DIAPH3: variants seen among roughly 807,000 people sequenced by gnomAD.
The protein encoded by DIAPH3 is diaphanous related formin 3.
Under a neutral mutation model 144.3 loss-of-function variants are expected in DIAPH3, and 117 were observed. That is an observed-to-expected ratio of 0.81 (90% confidence interval 0.70 to 0.95). The LOEUF is 0.95. Ranked by LOEUF, DIAPH3 falls within the 40% of genes least tolerant of loss-of-function variation. The pLI is 0.00. For synonymous variants in DIAPH3, 519 were observed against 488.9 expected, an observed-to-expected ratio of 1.06 and a Z score of -0.81; for missense variants, 1,421 against 1,412.7, an observed-to-expected ratio of 1.01 and a Z score of -0.09.
intron 20 of DIAPH3, among the ~76,000 whole-genome samples, chr13:59,880,556 A>G (rs1409065622): frequency 6.6e-6 from 1 of 152,122 alleles, no homozygotes; most frequent in African/African-American, 2.4e-5. Context: ...GGGATACAGA[A>G]AGCTATCAGC....
At chr13:59,802,545 G>T in intron 25 of DIAPH3, among the ~76,000 whole-genome samples, 1 of 135,518 alleles carries the variant, frequency 7.4e-6, no homozygotes, top group Non-Finnish European at 1.5e-5. Context: ...CATACTTTTG[G>T]CTATAGGAAG....
At chr13:59,766,940 T>C (rs1329901457) in intron 27 of DIAPH3, among the ~76,000 whole-genome samples, 1 of 152,208 alleles carries the variant, frequency 6.6e-6, no homozygotes, top group Non-Finnish European at 1.5e-5. Context: ...TGCTTATCCA[T>C]CCTTTTTGTA....
At chr13:59,741,361 A>G (rs917519940) in intron 27 of DIAPH3, among the ~76,000 whole-genome samples, 2 of 152,202 alleles carry the variant, frequency 1.3e-5, no homozygotes, top group African/African-American at 4.8e-5. Flanking sequence ...ATTGTACTAC[A>G]TAGGTGAGTT....
intron 20 of DIAPH3, among the ~76,000 whole-genome samples, chr13:59,899,035 G>C (rs2046289724): frequency 6.6e-6 from 1 of 152,166 alleles, no homozygotes; most frequent in South Asian, 2.1e-4. Context: ...CATGCTGGAT[G>C]CTTCCTGCCC....
intron 2 of DIAPH3, among the ~76,000 whole-genome samples, chr13:60,122,206 T>C (rs1427764831): frequency 6.6e-6 from 1 of 152,210 alleles, no homozygotes; most frequent in African/African-American, 2.4e-5. Context: ...CTAGAGATAA[T>C]GAACAACCTA....
Position 59,768,286 on chromosome 13 carries a change from C to G in DIAPH3, c.3319+5903G>C, listed in dbSNP as rs571371959. On this transcript the variant is annotated intron_variant, in intron 27 of 27. Transcript: ENST00000400324. Reference sequence around the variant, plus strand: ...CATCAGGAAAAGAACAAAAAATACTCTCAAAAAATAGGCCAATGACATTTA... The same window carrying G: ...CATCAGGAAAAGAACAAAAAATACTGTCAAAAAATAGGCCAATGACATTTA... Among the ~76,000 whole-genome samples the G allele has an allele frequency of 7.2e-5, 11 of 152,116 alleles. No homozygotes were observed. The South Asian group carries it at 2.3e-3, about 32-fold the overall frequency.
chr13:60,160,619 A>T (rs1408817646), intron 1 of DIAPH3, among the ~76,000 whole-genome samples: 2 of 152,230 alleles, frequency 1.3e-5, no homozygotes, highest in Admixed American at 1.3e-4. Flanking sequence ...GGCCTAGGGC[A>T]GGTTCCAAGT....
intron 3 of DIAPH3, among the ~76,000 whole-genome samples, chr13:60,096,459 G>A: frequency 6.6e-6 from 1 of 152,126 alleles, no homozygotes; most frequent in Non-Finnish European, 1.5e-5. Flanking sequence ...GTTATTTTTG[G>A]GGGTTGGTTA....
At chr13:59,762,035 G>T (rs79230461) in intron 27 of DIAPH3, among the ~76,000 whole-genome samples, 3,303 of 133,412 alleles carry the variant, frequency 0.025, 133 homozygotes, top group African/African-American at 0.084. Flanking sequence ...GAGCACCCAA[G>T]ATGAAAGCGT....
At chr13:59,703,751 T>C (rs1272332881) in intron 27 of DIAPH3, among the ~76,000 whole-genome samples, 1 of 152,164 alleles carries the variant, frequency 6.6e-6, no homozygotes, top group Admixed American at 6.5e-5. Context: ...TGCGTGTTTA[T>C]GTGTGTGTGT....
At chr13:59,827,054 C>T (rs1468918699) in intron 24 of DIAPH3, among the ~76,000 whole-genome samples, 7 of 152,072 alleles carry the variant, frequency 4.6e-5, no homozygotes, top group South Asian at 2.1e-4. Flanking sequence ...AAGACTTAAA[C>T]GTTAGACCTA....
At chr13:59,685,927 T>C (rs1382713162) in intron 27 of DIAPH3, among the ~76,000 whole-genome samples, 1 of 152,120 alleles carries the variant, frequency 6.6e-6, no homozygotes, top group Non-Finnish European at 1.5e-5. Flanking sequence ...TTCTCTTTTA[T>C]TTGGTTTTAA....
chr13:59,852,044 G>A (rs1294140970), intron 22 of DIAPH3, among the ~76,000 whole-genome samples: 2 of 151,878 alleles, frequency 1.3e-5, no homozygotes, highest in East Asian at 3.9e-4. Flanking sequence ...AAGCTGTTTT[G>A]AGAGTCCTTT....
intron 12 of DIAPH3, among the ~76,000 whole-genome samples, 199 bp from the exon 13 acceptor site, chr13:59,984,086 C>T (rs952060441): frequency 1.3e-5 from 2 of 151,576 alleles, no homozygotes; most frequent in African/African-American, 4.8e-5. Context: ...TTCAAAACAT[C>T]ATTTTTATAG....
Position 60,100,341 on chromosome 13 carries a change from T to G in DIAPH3, c.391-6609A>C, listed in dbSNP as rs571918685. Among the ~76,000 whole-genome samples the G allele has an allele frequency of 1.5e-3, 229 of 152,208 alleles. 1 individual carries two copies. Among genetic ancestry groups the G allele is most frequent in the Non-Finnish European group, 2.3e-3 (153 of 67,986 alleles). ...AAAAAAAAAGTCAGGCAAACCCAAA[T>G]TGAGAGCACCCTACAAAATAACTAA... On this transcript the variant is annotated intron_variant, in intron 3 of 27. Coordinates refer to ENST00000400324, the MANE Select transcript of DIAPH3 (RefSeq NM_001042517.2).
chr13:60,035,526 T>C (rs902847166), intron 5 of DIAPH3, among the ~76,000 whole-genome samples: 1 of 152,190 alleles, frequency 6.6e-6, no homozygotes. Flanking sequence ...AAAACATTAA[T>C]AGTTACTTTC....
At chr13:60,150,523 A>G (rs1566827797) in intron 1 of DIAPH3, among the ~76,000 whole-genome samples, 1 of 152,228 alleles carries the variant, frequency 6.6e-6, no homozygotes, top group Non-Finnish European at 1.5e-5. Flanking sequence ...GCAAAATAAC[A>G]GTAGGGAGAG....
At position 59,957,210 on chromosome 13, in the gene DIAPH3, G is replaced by C. The variant is rs1299271154; in HGVS notation, c.2074+12734C>G. Among the ~76,000 whole-genome samples, 4 of 152,236 alleles carry C rather than the reference G, an allele frequency of 2.6e-5. No individual in the cohort carries two copies. The East Asian group carries it at 5.8e-4, about 22-fold the overall frequency. ...TGATATTTGGGAGGGACCAGGGGTG[G>C]AATGATATGGTTTGGCTGTATCTCC... On this transcript the variant is annotated intron_variant, in intron 17 of 27. Transcript: ENST00000400324.
At chr13:59,708,241 A>AG (rs961188866) in intron 27 of DIAPH3, among the ~76,000 whole-genome samples, 1 of 151,856 alleles carries the variant, frequency 6.6e-6, no homozygotes, top group South Asian at 2.1e-4. Flanking sequence ...TAAAAAAAAA[A>AG]CGTTTTAGAG....
Sources: gnomAD v4.1 joint callset for allele counts (sites outside exome capture counted in the v4.1 genomes callset) on GRCh38, gnomAD v4.1.1 for gene constraint, MANE v1.5 for transcripts, NCBI Gene and HGNC (gene_info 2026-07-23, HGNC 2026-07-21) for gene names.